IGF1R: variants seen among roughly 807,000 people sequenced by gnomAD.
IGF1R encodes the protein insulin like growth factor 1 receptor.
IGF1R carries 44 observed loss-of-function variants against 144.6 expected under a neutral mutation model. That is an observed-to-expected ratio of 0.30 (90% CI 0.24 to 0.39). The LOEUF (loss-of-function observed/expected upper bound fraction) is 0.39. Ranked by LOEUF, IGF1R falls within the 10% of genes least tolerant of loss-of-function variation. IGF1R has a pLI of 1.00. For synonymous variants in IGF1R, 795 were observed against 722.8 expected (o/e 1.10, Z -1.60); for missense variants, 1,355 against 1,833.7 (o/e 0.74, Z 4.77).
At chr15:98,852,878 TCTC>T (rs888645940) in intron 2 of IGF1R, among the ~76,000 whole-genome samples, 11 of 152,234 alleles carry the variant, frequency 7.2e-5, no homozygotes, top group African/African-American at 2.7e-4. Context: ...CTGGCTTTCT[TCTC>T]TTCCATCTCC....
At chr15:98,925,243 T>C (rs1489432948) in intron 13 of IGF1R, among the ~76,000 whole-genome samples, 1 of 152,144 alleles carries the variant, frequency 6.6e-6, no homozygotes, top group African/African-American at 2.4e-5. Flanking sequence ...CACCCTTTGG[T>C]ACAGAGACTG....
intron 10 of IGF1R, among the ~76,000 whole-genome samples, chr15:98,918,911 GC>G (rs2015367210): frequency 6.6e-6 from 1 of 152,094 alleles, no homozygotes; most frequent in African/African-American, 2.4e-5. Flanking sequence ...TGTGAGAAGG[GC>G]CTGCGAGGCC....
At chr15:98,670,804 AT>A (rs1034782410) in intron 1 of IGF1R, among the ~76,000 whole-genome samples, 3 of 151,808 alleles carry the variant, frequency 2.0e-5, no homozygotes, top group Non-Finnish European at 4.4e-5. Context: ...ATTTTCTTCT[AT>A]TTTTTTTCTT....
intron 2 of IGF1R, among the ~76,000 whole-genome samples, chr15:98,865,100 G>C (rs2012357677): frequency 6.6e-6 from 1 of 152,160 alleles, no homozygotes; most frequent in South Asian, 2.1e-4. Context: ...GACCAAAGAG[G>C]ACTCCTTACA....
At chr15:98,903,840 A>G (rs543634376) in intron 5 of IGF1R, among the ~76,000 whole-genome samples, 3 of 152,332 alleles carry the variant, frequency 2.0e-5, no homozygotes, top group African/African-American at 7.2e-5. Context: ...AAAAGACTAC[A>G]TATTATATGA....
chr15:98,826,556 T>G (rs555101171), intron 2 of IGF1R, among the ~76,000 whole-genome samples: 1 of 152,224 alleles, frequency 6.6e-6, no homozygotes. Context: ...GAAGACATAT[T>G]TAGGCTATAA....
chr15:98,906,477 C>A (rs991206175), intron 5 of IGF1R, among the ~76,000 whole-genome samples: 1 of 152,234 alleles, frequency 6.6e-6, no homozygotes, highest in Non-Finnish European at 1.5e-5. Flanking sequence ...GGGCTTATGA[C>A]ACATCCATTT....
rs772355972 is a variant in IGF1R at position 98,948,602 on chromosome 15, G to T, written c.3616G>T (p.Ala1206Ser). The change falls in exon 20 of 21, where the codon GCC (alanine) becomes TCC (serine). Residue 1206 changes from alanine to serine, a missense_variant. Physicochemically the swap from Ala to Ser is moderately conservative, Grantham distance 99. Coordinates refer to ENST00000650285, the MANE Select transcript of IGF1R (RefSeq NM_000875.5). ...WSFGVVLWEI[A>S]TLAEQPYQGL... ...CTTCGGGGTCGTCCTCTGGGAGATC[G>T]CCACACTGGCCGAGCAGCCCTACCA... 1 of 1,614,008 alleles carries T rather than the reference G, an allele frequency of 6.2e-7. No homozygotes were observed. The highest frequency in any genetic ancestry group is 1.1e-5 in the South Asian group (1 of 91,076).
chr15:98,794,477 T>C (rs985139710), intron 2 of IGF1R, among the ~76,000 whole-genome samples: 1 of 152,200 alleles, frequency 6.6e-6, no homozygotes, highest in East Asian at 1.9e-4. Context: ...GCGCCTTCCA[T>C]GTAGCTCAGT....
chr15:98,833,053 G>A (rs2057030704), intron 2 of IGF1R, among the ~76,000 whole-genome samples: 2 of 152,150 alleles, frequency 1.3e-5, no homozygotes, highest in Admixed American at 6.5e-5. Flanking sequence ...TACATTATGG[G>A]CCTTTCCCCC....
chr15:98,922,973 C>T (rs2151692052), intron 11 of IGF1R, among the ~76,000 whole-genome samples: 1 of 152,304 alleles, frequency 6.6e-6, no homozygotes, highest in South Asian at 2.1e-4. Flanking sequence ...ACAAGAGCTG[C>T]CCTGTCCTTT....
chr15:98,908,722 C>T lies in IGF1R; in HGVS notation c.1285C>T (p.Gln429Ter), dbSNP rs2151670121. Residue 429 changes from glutamine to a stop codon, truncating the protein, a stop_gained, in exon 6 of 21, where the codon CAG becomes TAG. Transcript: ENST00000650285. LOFTEE classifies it high-confidence loss of function. ...SFYVLDNQNL[Q>*]QLWDWDHRNL... ...CTACGTCCTCGACAACCAGAACTTG[C>T]AGCAACTGTGGGACTGGGACCACCG... 6.2e-7 allele frequency: 1 copy of T among 1,614,132 alleles called. No homozygotes were observed. Among genetic ancestry groups the T allele is most frequent in the Non-Finnish European group, 8.5e-7 (1 of 1,180,006 alleles).
intron 3 of IGF1R, among the ~76,000 whole-genome samples, chr15:98,896,152 A>T (rs1357376616): frequency 6.6e-6 from 1 of 152,224 alleles, no homozygotes; most frequent in South Asian, 2.1e-4. Context: ...GGATCAATTT[A>T]CAAGTTTCTG....
intron 1 of IGF1R, among the ~76,000 whole-genome samples, chr15:98,698,543 G>C (rs2053651339): frequency 1.3e-5 from 2 of 152,234 alleles, no homozygotes; most frequent in African/African-American, 4.8e-5. Context: ...GAATCCGCAG[G>C]ATTTCTCCTT....
At chr15:98,711,599 T>C (rs909937607) in intron 2 of IGF1R, among the ~76,000 whole-genome samples, 1 of 152,174 alleles carries the variant, frequency 6.6e-6, no homozygotes, top group African/African-American at 2.4e-5. Flanking sequence ...TGTACAGTGG[T>C]TTCCTTTCAG....
chr15:98,943,403 G>A (rs2016436803), intron 19 of IGF1R, among the ~76,000 whole-genome samples: 1 of 152,166 alleles, frequency 6.6e-6, no homozygotes, highest in African/African-American at 2.4e-5. Flanking sequence ...TCAATAAACA[G>A]ATACTGTCTG....
intron 2 of IGF1R, among the ~76,000 whole-genome samples, chr15:98,769,072 A>C (rs2055517656): frequency 6.6e-6 from 1 of 152,232 alleles, no homozygotes; most frequent in African/African-American, 2.4e-5. Context: ...TGTTATTTTA[A>C]CTCTTTGACA....
intron 2 of IGF1R, among the ~76,000 whole-genome samples, chr15:98,778,011 C>T (rs1490713950): frequency 6.6e-6 from 1 of 152,168 alleles, no homozygotes; most frequent in Non-Finnish European, 1.5e-5. Flanking sequence ...TTATTGAGCA[C>T]CTACTGCATG....
chr15:98,862,549 A>G (rs2012214702), intron 2 of IGF1R, among the ~76,000 whole-genome samples: 1 of 152,248 alleles, frequency 6.6e-6, no homozygotes, highest in African/African-American at 2.4e-5. Context: ...GGTTTGTCAT[A>G]TCTCTAAACT....
Sources: gnomAD v4.1 joint callset for allele counts (sites outside exome capture counted in the v4.1 genomes callset) on GRCh38, gnomAD v4.1.1 for gene constraint, MANE v1.5 for transcripts, NCBI Gene and HGNC (gene_info 2026-07-23, HGNC 2026-07-21) for gene names.